KIAA2012: variants seen among roughly 807,000 people sequenced by gnomAD.
KIAA2012 encodes the protein KIAA2012.
KIAA2012 carries 125 observed loss-of-function variants against 150.6 expected under a neutral mutation model. That is an observed-to-expected ratio of 0.83 (90% CI 0.72 to 0.96). The LOEUF is 0.96. Among genes scored for constraint, KIAA2012 ranks in the 40% least tolerant of loss-of-function variants. The probability of loss-of-function intolerance (pLI) is 0.00; values close to 1 mark genes in which losing one functional copy is unlikely to be tolerated. For synonymous variants in KIAA2012, 462 were observed against 504.7 expected, an observed-to-expected ratio of 0.92 and a Z score of 1.13; for missense variants, 1,219 against 1,354.9, an observed-to-expected ratio of 0.90 and a Z score of 1.57.
intron 13 of KIAA2012, among the ~76,000 whole-genome samples, chr2:202,141,499 A>G (rs1450608852): frequency 1.3e-5 from 2 of 152,174 alleles, no homozygotes; most frequent in Admixed American, 1.3e-4. Flanking sequence ...TCCTCTTTCA[A>G]ATGAACTGCT....
At chr2:202,129,693 C>T (rs150811351) in intron 12 of KIAA2012, among the ~76,000 whole-genome samples, 91 of 151,342 alleles carry the variant, frequency 6.0e-4, no homozygotes, top group African/African-American at 1.6e-3. Context: ...GGGAGTGGCA[C>T]GGTGTGGTGG....
chr2:202,103,859 A>G (rs1690113325), intron 8 of KIAA2012, among the ~76,000 whole-genome samples: 1 of 152,150 alleles, frequency 6.6e-6, no homozygotes. Context: ...ACTCTTTCTG[A>G]CTTTCCTTTC....
chr2:202,142,472 A>G (rs1344581954), intron 13 of KIAA2012, among the ~76,000 whole-genome samples: 1 of 152,236 alleles, frequency 6.6e-6, no homozygotes, highest in Non-Finnish European at 1.5e-5. Flanking sequence ...CTAAGAGTGT[A>G]ACATCAGAGA....
At chr2:202,145,128 T>C (rs142850034) in intron 13 of KIAA2012, among the ~76,000 whole-genome samples, 4 of 152,198 alleles carry the variant, frequency 2.6e-5, no homozygotes, top group East Asian at 3.9e-4. Flanking sequence ...AGAATTCGCT[T>C]CTGCATTTCC....
In KIAA2012 at chr2:202,073,439, C is replaced by A; in HGVS notation, c.-189C>A. ...TTTTTTCTCTCCACAAAGACACACA[C>A]TGTCTAAACTGTGTGGCTGGTTGTT... On this transcript the variant is annotated 5_prime_UTR_variant, in exon 1 of 24. It adds an upstream start codon to the 5' untranslated region. Transcript: ENST00000498697. 1 of 546,806 alleles carries A rather than the reference C, an allele frequency of 1.8e-6. No individual in the cohort carries two copies. The highest frequency in any genetic ancestry group is 3.3e-6 in the Non-Finnish European group (1 of 306,676). The allele number at this position is 546,806 out of a possible 1,614,324, so 33.9% of individuals were successfully genotyped here. A position where few individuals can be genotyped will look rare whatever the true frequency, so the allele number is the denominator to read the frequency against.
chr2:202,137,989 A>C (rs1691114254), intron 12 of KIAA2012: 1 of 153,388 alleles, frequency 6.5e-6, no homozygotes, highest in Non-Finnish European at 1.5e-5. Context: ...CCACATTATG[A>C]GGAAAAAGGG....
intron 2 of KIAA2012, among the ~76,000 whole-genome samples, chr2:202,088,431 A>G (rs1042676472): frequency 6.6e-6 from 1 of 152,216 alleles, no homozygotes; most frequent in Non-Finnish European, 1.5e-5. Context: ...CACTGAGTAA[A>G]ATTATTCAGA....
At chr2:202,086,958 A>G (rs1521881) in intron 2 of KIAA2012, among the ~76,000 whole-genome samples, 124,567 of 152,066 alleles carry the variant, frequency 0.82, 51,233 homozygotes, top group African/African-American at 0.85. Flanking sequence ...TTATATCCAC[A>G]TATCAGAAAT....
chr2:202,122,804 C>A (rs1690685143), intron 11 of KIAA2012, among the ~76,000 whole-genome samples: 1 of 151,958 alleles, frequency 6.6e-6, no homozygotes, highest in South Asian at 2.1e-4. Flanking sequence ...GCGCCCAGCC[C>A]AAATTATCTT....
intron 2 of KIAA2012, among the ~76,000 whole-genome samples, chr2:202,086,013 C>G (rs1689559794): frequency 6.6e-6 from 1 of 151,804 alleles, no homozygotes. Flanking sequence ...ACTAAAAATA[C>G]AAAAATTAGC....
At chr2:202,078,653 T>C (rs1425531613) in intron 2 of KIAA2012, among the ~76,000 whole-genome samples, 1 of 152,204 alleles carries the variant, frequency 6.6e-6, no homozygotes, top group African/African-American at 2.4e-5. Context: ...CCAGTGTTCA[T>C]TAACTTTTTT....
In KIAA2012 at chr2:202,190,508, C is replaced by T; in HGVS notation, c.2811+15C>T. 1 of 1,474,590 alleles carries T rather than the reference C, an allele frequency of 6.8e-7. No individual in the cohort carries two copies. Among genetic ancestry groups the T allele is most frequent in the Non-Finnish European group, 9.0e-7 (1 of 1,109,872 alleles). The allele number at this position is 1,474,590 out of a possible 1,614,324, so 91.3% of individuals were successfully genotyped here. A position where few individuals can be genotyped will look rare whatever the true frequency, so the allele number is the denominator to read the frequency against. On this transcript the variant is annotated intron_variant, in intron 19 of 23. Transcript: ENST00000498697. The stretch of plus-strand genomic sequence containing the variant: ...ACCCTTCCAAGGTAGGGTCTGATGT[C>T]CTCAGCTTGACAGAGGAAGTTCTGT...
intron 13 of KIAA2012, among the ~76,000 whole-genome samples, chr2:202,148,096 C>G (rs1691338206): frequency 6.6e-6 from 1 of 152,194 alleles, no homozygotes. Flanking sequence ...GCAATTAGAA[C>G]TCACAGCTAA....
At chr2:202,127,091 A>G (rs1291557552) in intron 12 of KIAA2012, among the ~76,000 whole-genome samples, 4 of 146,156 alleles carry the variant, frequency 2.7e-5, no homozygotes, top group Non-Finnish European at 6.0e-5. Context: ...TAGAGATATC[A>G]TAGGGAGAAG....
At chr2:202,171,979 T>C (rs1691903891) in intron 15 of KIAA2012, among the ~76,000 whole-genome samples, 2 of 151,634 alleles carry the variant, frequency 1.3e-5, no homozygotes, top group Non-Finnish European at 2.9e-5. Flanking sequence ...CTCGAGTAGC[T>C]GGGATTGCAG....
chr2:202,170,487 TC>T (rs1484320165), intron 15 of KIAA2012, among the ~76,000 whole-genome samples: 1 of 152,118 alleles, frequency 6.6e-6, no homozygotes, highest in East Asian at 1.9e-4. Context: ...AATGGAAGCT[TC>T]CATTATTCAC....
At chr2:202,149,762 T>A (rs954225211) in intron 13 of KIAA2012, among the ~76,000 whole-genome samples, 3 of 152,188 alleles carry the variant, frequency 2.0e-5, no homozygotes, top group Admixed American at 6.5e-5. Flanking sequence ...CCACTTGGGT[T>A]TAGAATTTCA....
At position 202,151,248 on chromosome 2, in the gene KIAA2012, T is replaced by G. The variant is rs534325134; in HGVS notation, c.1909-3425T>G. 2.0e-5 allele frequency among the ~76,000 whole-genome samples: 3 copies of G among 151,894 alleles called. No individual in the cohort carries two copies. In the South Asian group the frequency reaches 6.3e-4, roughly 32 times the overall value. ...CCCATCTCTACTAAAAATACAAAAA[T>G]TAGCCGGGCATGGTGGCACACACCT... is the stretch of plus-strand genomic sequence containing the variant. On this transcript the variant is annotated intron_variant, in intron 13 of 23. Transcript: ENST00000498697.
chr2:202,154,175 A>G (rs1312609781), intron 13 of KIAA2012, among the ~76,000 whole-genome samples: 1 of 152,218 alleles, frequency 6.6e-6, no homozygotes, highest in African/African-American at 2.4e-5. Context: ...CATTTTTGTC[A>G]TCTTGGAAAT....
Sources: gnomAD v4.1 joint callset for allele counts (sites outside exome capture counted in the v4.1 genomes callset) on GRCh38, gnomAD v4.1.1 for gene constraint, MANE v1.5 for transcripts, NCBI Gene and HGNC (gene_info 2026-07-23, HGNC 2026-07-21) for gene names.